Variants in BCL11A observed in about 807,000 individuals in gnomAD.
BCL11A encodes BCL11 transcription factor A, also known as B cell CLL/lymphoma 11A.
In BCL11A, 2 loss-of-function variants were observed where a neutral mutation model predicts 55.9. The ratio of observed to expected loss-of-function variants is 0.04; its 90% CI spans 0.01 to 0.11. The LOEUF (loss-of-function observed/expected upper bound fraction) is 0.11, where lower values mean the gene tolerates loss of function less well. BCL11A is among the 10% of genes least tolerant of loss of function. The pLI is 1.00. For missense variants in BCL11A, 817 were observed against 1,137.1 expected, an observed-to-expected ratio of 0.72 and a Z score of 4.05; for synonymous variants, 465 against 473.4, an observed-to-expected ratio of 0.98 and a Z score of 0.23.
chr2:60,550,483 C>G (rs754958756), intron 1 of BCL11A, among the ~76,000 whole-genome samples: 9 of 151,320 alleles, frequency 5.9e-5, no homozygotes, highest in Non-Finnish European at 1.0e-4. Flanking sequence ...GGTACAGGTT[C>G]AAGTTCGCTG....
rs1676101154 is a variant in BCL11A at position 60,459,288 on chromosome 2, A to T, written c.*1116T>A. ...TTGGTGCCAGTATTTTTAAAAAGAC[A>T]TTATTAAAGCAAATATCTTCATAAA... On this transcript the variant is annotated 3_prime_UTR_variant, in exon 4 of 4. Transcript: ENST00000642384. The T allele has an allele frequency of 2.9e-6, 3 of 1,017,276 alleles. No individual in the cohort carries two copies. In the South Asian group the frequency reaches 1.4e-4, roughly 47 times the overall value. 63.0% of individuals were successfully genotyped at this position (1,017,276 alleles called of 1,614,324 possible).
intron 3 of BCL11A, among the ~76,000 whole-genome samples, chr2:60,467,110 A>AGTGGTGGTG (rs1203073598): frequency 1.4e-5 from 1 of 72,468 alleles, no homozygotes; most frequent in African/African-American, 5.2e-5. Context: ...TGGTGGTGGT[A>AGTGGTGGTG]GTGGTGGTGG....
At position 60,468,745 on chromosome 2, in the gene BCL11A, G is replaced by T. The variant is rs1471025927; in HGVS notation, c.474C>A (p.Ala158=). ...GGCTCAACTTACAAATACCCTGCGG[G>T]GCATATTCTGCACTCATCCCAGGCG... is the stretch of plus-strand genomic sequence containing the variant. ...IPTPGMSAEY[A]PQGICKDEPS... Residue 158 remains alanine (A), a synonymous_variant, in exon 3 of 4, where the codon GCC becomes GCA. Coordinates refer to ENST00000642384, the MANE Select transcript of BCL11A (RefSeq NM_022893.4). 6.2e-7 allele frequency: 1 copy of T among 1,611,780 alleles called. No homozygotes were observed.
chr2:60,474,357 A>G (rs1343077599), intron 2 of BCL11A, among the ~76,000 whole-genome samples: 1 of 152,220 alleles, frequency 6.6e-6, no homozygotes, highest in East Asian at 1.9e-4. Flanking sequence ...AGCCAAAGAC[A>G]TTGTGTTCCA....
chr2:60,503,175 C>A (rs1679388920), intron 2 of BCL11A, among the ~76,000 whole-genome samples: 1 of 152,156 alleles, frequency 6.6e-6, no homozygotes. Context: ...CCTGGTCACT[C>A]CTAGTCCCAA....
Position 60,457,900 on chromosome 2 carries a change from A to C in BCL11A, c.*2504T>G. The stretch of plus-strand genomic sequence containing the variant: ...TGTGACATTCTAGCAGGCTCCCCCA[A>C]ACCGCCATTATATGGCTTCTCATCT... On this transcript the variant is annotated 3_prime_UTR_variant, in exon 4 of 4. Coordinates refer to ENST00000642384, the MANE Select transcript of BCL11A (RefSeq NM_022893.4). The C allele has an allele frequency of 9.5e-7, 1 of 1,048,686 alleles. No homozygotes were observed. The highest frequency in any genetic ancestry group is 1.2e-6 in the Non-Finnish European group (1 of 868,766). The allele number at this position is 1,048,686 out of a possible 1,614,324, so 65.0% of individuals were successfully genotyped here. A position where few individuals can be genotyped will look rare whatever the true frequency, so the allele number is the denominator to read the frequency against.
At chr2:60,507,972 T>C (rs939465526) in intron 2 of BCL11A, among the ~76,000 whole-genome samples, 5 of 152,104 alleles carry the variant, frequency 3.3e-5, no homozygotes, top group Non-Finnish European at 7.4e-5. Context: ...TTTCTAAAGC[T>C]TTAAAATCAT....
At chr2:60,452,705 A>T (rs1273861369), downstream of BCL11A, 3 of 1,485,852 alleles carry the variant, frequency 2.0e-6, no homozygotes, top group Non-Finnish European at 9.4e-7. Context: ...GGAAAAAAAA[A>T]GTACAGGTGT....
In BCL11A at chr2:60,491,675, AAAAAAAG is replaced by A. The variant is rs1179402700; in HGVS notation, c.386-22849_386-22843del. Among the ~76,000 whole-genome samples, 346 of 131,670 alleles carry A rather than the reference AAAAAAAG, an allele frequency of 2.6e-3. 2 individuals are homozygous for A. Among genetic ancestry groups the A allele is most frequent in the African/African-American group, 8.9e-3 (335 of 37,676 alleles). The allele number at this position is 131,670 out of a possible 152,430, so 86.4% of individuals were successfully genotyped here. A position where few individuals can be genotyped will look rare whatever the true frequency, so the allele number is the denominator to read the frequency against. On this transcript the variant is annotated intron_variant, in intron 2 of 3. Coordinates refer to ENST00000642384, the MANE Select transcript of BCL11A (RefSeq NM_022893.4). Reference sequence around the variant, plus strand: ...AACAAGAGTAAATCTCCGTCTCACCAAAAAAAGAAAAAAGAAAAAAAAAAAAAAGAAA... The same window carrying A: ...AACAAGAGTAAATCTCCGTCTCACCAAAAAAAGAAAAAAAAAAAAAAGAAA...
intron 2 of BCL11A, among the ~76,000 whole-genome samples, chr2:60,487,622 G>A (rs1253115484): frequency 6.6e-6 from 1 of 152,136 alleles, no homozygotes; most frequent in Admixed American, 6.5e-5. Flanking sequence ...AGGCTTAGCG[G>A]ATCCCCCTTA....
chr2:60,507,156 A>C (rs1226277245), intron 2 of BCL11A, among the ~76,000 whole-genome samples: 1 of 150,664 alleles, frequency 6.6e-6, no homozygotes, highest in Non-Finnish European at 1.5e-5. Context: ...ACAGAGGGCC[A>C]AGGATTAAAT....
chr2:60,458,076 A>T lies in BCL11A; in HGVS notation c.*2328T>A. 1 of 1,032,444 alleles carries T rather than the reference A, an allele frequency of 9.7e-7. No homozygotes were observed. The highest frequency in any genetic ancestry group is 1.2e-6 in the Non-Finnish European group (1 of 858,100). The allele number at this position is 1,032,444 out of a possible 1,614,324, so 64.0% of individuals were successfully genotyped here. On this transcript the variant is annotated 3_prime_UTR_variant, in exon 4 of 4. Coordinates refer to ENST00000642384, the MANE Select transcript of BCL11A (RefSeq NM_022893.4). ...CAAAAAAGGTACATTGATACCTTTT[A>T]AGAGAACAAGCAACAGTTAAAAATA...
At chr2:60,471,802 C>T (rs1677215014) in intron 2 of BCL11A, among the ~76,000 whole-genome samples, 1 of 152,182 alleles carries the variant, frequency 6.6e-6, no homozygotes, top group Non-Finnish European at 1.5e-5. Context: ...GGCCCACCCC[C>T]GATCAGCATC....
downstream of BCL11A, chr2:60,452,721 G>T (rs929395760): frequency 2.2e-5 from 31 of 1,393,696 alleles, no homozygotes; most frequent in African/African-American, 5.7e-5. Flanking sequence ...GGTGTGACTT[G>T]GCCCAATGAT....
At position 60,505,854 on chromosome 2, in the gene BCL11A, G is replaced by A. The variant is rs12619685; in HGVS notation, c.386-37021C>T. On this transcript the variant is annotated intron_variant, in intron 2 of 3. Transcript: ENST00000642384. ...CTGAGAACAACTCTACCTGAGGGAG[G>A]GGGAAATCCCTCCCAAAACAACGGT... Among the ~76,000 whole-genome samples the A allele has an allele frequency of 1.6e-3, 241 of 152,294 alleles. 7 individuals are homozygous for A. In the East Asian group the frequency reaches 0.043, roughly 27 times the overall value.
chr2:60,536,774 C>T (rs1356676314), intron 2 of BCL11A: 3 of 152,134 alleles, frequency 2.0e-5, no homozygotes, highest in Non-Finnish European at 4.4e-5. Flanking sequence ...AAATACAATA[C>T]CTATATACTT....
chr2:60,539,797 G>A (rs377291681), intron 2 of BCL11A, among the ~76,000 whole-genome samples: 4 of 152,130 alleles, frequency 2.6e-5, no homozygotes, highest in Admixed American at 6.5e-5. Flanking sequence ...GCAATAATAT[G>A]GTTCGTGCTC....
At chr2:60,552,812 C>T (rs1290140626) in intron 1 of BCL11A, among the ~76,000 whole-genome samples, 1 of 152,090 alleles carries the variant, frequency 6.6e-6, no homozygotes, top group African/African-American at 2.4e-5. Context: ...CTCCCTTTCC[C>T]CACCAGCTCC....
chr2:60,477,203 G>A (rs568443318), intron 2 of BCL11A, among the ~76,000 whole-genome samples: 17 of 152,278 alleles, frequency 1.1e-4, no homozygotes, highest in African/African-American at 4.1e-4. Context: ...TCAGGAAGAG[G>A]CATGGGGCTG....
Sources: allele counts gnomAD v4.1 joint callset (sites outside exome capture counted in the v4.1 genomes callset), GRCh38; gene constraint gnomAD v4.1.1; transcripts MANE v1.5; gene names NCBI Gene and HGNC (gene_info 2026-07-23, HGNC 2026-07-21).